Variants in GNAL observed in about 807,000 individuals in gnomAD.
The protein encoded by GNAL is G protein subunit alpha L.
GNAL carries 18 observed loss-of-function variants against 55.1 expected under a neutral mutation model. The ratio of observed to expected loss-of-function variants is 0.33; its 90% CI spans 0.23 to 0.48. The LOEUF (loss-of-function observed/expected upper bound fraction) is 0.48, where lower values mean the gene tolerates loss of function less well. Among genes scored for constraint, GNAL ranks in the 20% least tolerant of loss-of-function variants. The pLI, the probability that GNAL is intolerant of heterozygous loss-of-function variation, is 0.99. For missense variants in GNAL, 412 were observed against 614.1 expected (o/e 0.67, Z 3.48); for synonymous variants, 253 against 237.0 (o/e 1.07, Z -0.62).
chr18:11,757,552 GA>G, intron 4 of GNAL, among the ~76,000 whole-genome samples: 1 of 152,170 alleles, frequency 6.6e-6, no homozygotes, highest in Non-Finnish European at 1.5e-5. Flanking sequence ...ATTTATTTTG[GA>G]AACAACCATT....
rs1843733204 is a variant in GNAL, at chr18:11,752,736, A to G, written c.377-117A>G. ...CCGGGGCGAGCTCCTCCAGCCAGGA[A>G]CCCGCGTGTAGGAAATCCCCGTGCT... On this transcript the variant is annotated intron_variant, in intron 1 of 11. Transcript: ENST00000334049. This position sits in a 1 kb window ranked among gnomAD's most constrained non-coding sequence, Gnocchi z 4.5. The G allele has an allele frequency of 1.7e-6, 2 of 1,160,388 alleles. No homozygotes were observed. The highest frequency in any genetic ancestry group is 1.3e-6 in the Non-Finnish European group (1 of 797,902). 71.9% of individuals were successfully genotyped at this position (1,160,388 alleles called of 1,614,324 possible).
intron 5 of GNAL, among the ~76,000 whole-genome samples, chr18:11,825,349 G>A (rs950617884): frequency 1.3e-5 from 2 of 152,124 alleles, no homozygotes; most frequent in Admixed American, 6.6e-5. Context: ...TTTTGGAGCA[G>A]GGGCCTCAAA....
intron 4 of GNAL, among the ~76,000 whole-genome samples, chr18:11,796,196 C>G (rs574645185): frequency 2.0e-5 from 3 of 152,312 alleles, no homozygotes; most frequent in East Asian, 3.9e-4. Context: ...ACACCACCAA[C>G]AATGTGTGGT....
chr18:11,845,724 A>C (rs551553627), intron 5 of GNAL, among the ~76,000 whole-genome samples: 1 of 151,158 alleles, frequency 6.6e-6, no homozygotes, highest in African/African-American at 2.4e-5. Flanking sequence ...GGAAAGAAAT[A>C]AAGGAAGGAA....
intron 4 of GNAL, among the ~76,000 whole-genome samples, chr18:11,772,462 T>A (rs1289345011): frequency 6.6e-6 from 1 of 152,204 alleles, no homozygotes; most frequent in Non-Finnish European, 1.5e-5. Context: ...CTGTTCCAGG[T>A]GATCATAGGG....
At chr18:11,838,351 G>A (rs1004505347) in intron 5 of GNAL, among the ~76,000 whole-genome samples, 3 of 152,160 alleles carry the variant, frequency 2.0e-5, no homozygotes. Flanking sequence ...GTCCAGAATA[G>A]GTGTATCTAC....
intron 5 of GNAL, among the ~76,000 whole-genome samples, chr18:11,838,419 G>C (rs11875788): frequency 6.6e-6 from 1 of 152,096 alleles, no homozygotes; most frequent in Non-Finnish European, 1.5e-5. Flanking sequence ...ATGAGGAATC[G>C]CTTTAATGTG....
chr18:11,824,882 T>C, intron 4 of GNAL, 36 bp from the exon 5 acceptor site: 1 of 1,114,068 alleles, frequency 9.0e-7, no homozygotes, highest in South Asian at 1.3e-5. Flanking sequence ...TTATTACACT[T>C]TTTTTTTTTT....
chr18:11,760,698 C>T (rs1177936629), intron 4 of GNAL, among the ~76,000 whole-genome samples: 1 of 152,048 alleles, frequency 6.6e-6, no homozygotes, highest in Non-Finnish European at 1.5e-5. Context: ...GTAAGGAGCC[C>T]CTGCAGGGGG....
rs1289494341 is a variant in GNAL, at chr18:11,741,872, G to A, written c.377-10981G>A. Among the ~76,000 whole-genome samples the A allele has an allele frequency of 2.0e-5, 3 of 152,180 alleles. No individual in the cohort carries two copies. In the East Asian group the frequency reaches 5.8e-4, roughly 29 times the overall value. On this transcript the variant is annotated intron_variant, in intron 1 of 11. Coordinates refer to ENST00000334049, the MANE Select transcript of GNAL (RefSeq NM_182978.4). ...TCTTTTTTATTTTGGTAAAATATAT[G>A]CAATATAAAATGTACCATTTAAATC... is the stretch of plus-strand genomic sequence containing the variant.
At chr18:11,850,157 A>G (rs2035825532) in intron 5 of GNAL, among the ~76,000 whole-genome samples, 1 of 152,218 alleles carries the variant, frequency 6.6e-6, no homozygotes, top group Non-Finnish European at 1.5e-5. Context: ...CGAATGACGC[A>G]AATAATGCTC....
intron 1 of GNAL, among the ~76,000 whole-genome samples, chr18:11,704,711 G>A (rs2031662275): frequency 6.6e-6 from 1 of 152,018 alleles, no homozygotes; most frequent in Admixed American, 6.6e-5. Context: ...ATCAAAGCTT[G>A]CTCATACCCA....
intron 4 of GNAL, among the ~76,000 whole-genome samples, chr18:11,820,250 GC>G (rs1315066588): frequency 6.6e-6 from 1 of 152,148 alleles, no homozygotes; most frequent in Non-Finnish European, 1.5e-5. Context: ...TTTCTCAGTT[GC>G]CTTCAGCTCA....
intron 5 of GNAL, among the ~76,000 whole-genome samples, chr18:11,833,218 G>A (rs1480323208): frequency 6.6e-6 from 1 of 151,988 alleles, no homozygotes; most frequent in Non-Finnish European, 1.5e-5. Flanking sequence ...TTTTAGTAGA[G>A]ATGAGGTTTC....
rs572436400 is a variant in GNAL, at chr18:11,885,191, G to A, written c.*4056G>A. On this transcript the variant is annotated 3_prime_UTR_variant, in exon 12 of 12. Transcript: ENST00000334049. ...TTTTTATGAAGTAAAAGAACCTGTCGTACCAGCATCATGAGCTGGATGCAG... is the reference window on the plus strand; with the variant it reads ...TTTTTATGAAGTAAAAGAACCTGTCATACCAGCATCATGAGCTGGATGCAG... 3.9e-4 allele frequency: 203 copies of A among 516,422 alleles called. 1 individual carries two copies. The highest frequency in any genetic ancestry group is 3.5e-3 in the South Asian group (141 of 40,654). The allele number at this position is 516,422 out of a possible 1,614,324, so 32.0% of individuals were successfully genotyped here.
intron 5 of GNAL, among the ~76,000 whole-genome samples, chr18:11,835,339 A>G (rs1461820411): frequency 6.6e-6 from 1 of 151,970 alleles, no homozygotes. Context: ...AAGTACAATA[A>G]AATGAAGCTG....
intron 4 of GNAL, among the ~76,000 whole-genome samples, chr18:11,764,448 C>T (rs550266267): frequency 3.3e-5 from 5 of 152,228 alleles, no homozygotes; most frequent in Non-Finnish European, 7.3e-5. Flanking sequence ...CTAGTTTTCA[C>T]ACACCAGTAG....
chr18:11,747,263 T>C, intron 1 of GNAL: 1 of 288,330 alleles, frequency 3.5e-6, no homozygotes, highest in South Asian at 3.7e-5. Context: ...ATTTGAGGAC[T>C]CCAGTCTGAG....
rs1381511527 is a variant in GNAL at position 11,712,828 on chromosome 18, A to T, written c.376+22889A>T. Among the ~76,000 whole-genome samples the T allele has an allele frequency of 2.6e-5, 4 of 152,192 alleles. No homozygotes were observed. In the East Asian group the frequency reaches 5.8e-4, roughly 22 times the overall value. On this transcript the variant is annotated intron_variant, in intron 1 of 11. Transcript: ENST00000334049. ...AACAGATTTTTTCCTTGCTCGTAGTAGCTGCCTTTCACAGACTACATTCCC... is the reference window on the plus strand; with the variant it reads ...AACAGATTTTTTCCTTGCTCGTAGTTGCTGCCTTTCACAGACTACATTCCC...
Sources: allele counts gnomAD v4.1 joint callset (sites outside exome capture counted in the v4.1 genomes callset), GRCh38; gene constraint gnomAD v4.1.1; non-coding constraint Gnocchi (gnomAD v3.1); transcripts MANE v1.5; gene names NCBI Gene and HGNC (gene_info 2026-07-23, HGNC 2026-07-21).